Variants in CHST6 observed in about 807,000 individuals in gnomAD.
CHST6 encodes the protein N-acetylglucosamine 6-O-sulfotransferase 5.
For synonymous variants in CHST6, 309 were observed against 276.4 expected, an observed-to-expected ratio of 1.12 and a Z score of -1.17; for missense variants, 698 against 586.2, an observed-to-expected ratio of 1.19 and a Z score of -1.97.
chr16:75,477,959 G>C lies in CHST6; in HGVS notation c.*682C>G, dbSNP rs2151664793. 1 of 154,856 alleles carries C rather than the reference G, an allele frequency of 6.5e-6. No homozygotes were observed. The highest frequency in any genetic ancestry group is 6.4e-5 in the Admixed American group (1 of 15,658). 9.6% of individuals were successfully genotyped at this position (154,856 alleles called of 1,614,324 possible). The stretch of plus-strand genomic sequence containing the variant: ...CCACTTATTGCCTCCTTCCAGGCTT[G>C]TCCAGCATGATAAACTCTGGTCTCA... On this transcript the variant is annotated 3_prime_UTR_variant, in exon 3 of 3. Coordinates refer to ENST00000332272, the MANE Select transcript of CHST6 (RefSeq NM_021615.5).
At chr16:75,479,931 C>G (rs1440993717) in intron 2 of CHST6, 87 bp from the exon 3 acceptor site, 2 of 1,150,788 alleles carry the variant, frequency 1.7e-6, no homozygotes, top group East Asian at 2.6e-5. Flanking sequence ...GGGGCAGATT[C>G]TACCACCAGA....
At chr16:75,489,157 G>C (rs1567414953) in intron 1 of CHST6, among the ~76,000 whole-genome samples, 1 of 151,918 alleles carries the variant, frequency 6.6e-6, no homozygotes, top group Non-Finnish European at 1.5e-5. Context: ...ACAGCACTTT[G>C]GGAGGCCGAG....
chr16:75,493,933 C>T (rs558827988), intron 1 of CHST6, among the ~76,000 whole-genome samples: 47 of 152,332 alleles, frequency 3.1e-4, no homozygotes, highest in Non-Finnish European at 5.1e-4. Flanking sequence ...CAACCTCCGC[C>T]TCCTGGGTTC....
At chr16:75,485,451 T>G (rs1230521370) in intron 1 of CHST6, among the ~76,000 whole-genome samples, 1 of 152,006 alleles carries the variant, frequency 6.6e-6, no homozygotes, top group African/African-American at 2.4e-5. Flanking sequence ...GGCAACAGAG[T>G]GTGACCCTCT....
rs1597467581 is a variant in CHST6 at position 75,474,424 on chromosome 16, G to A, written c.*4217C>T. 7.7e-6 allele frequency: 3 copies of A among 387,690 alleles called. No homozygotes were observed. The highest frequency in any genetic ancestry group is 2.1e-5 in the African/African-American group (1 of 48,354). The allele number at this position is 387,690 out of a possible 1,614,324, so 24.0% of individuals were successfully genotyped here. On this transcript the variant is annotated 3_prime_UTR_variant, in exon 3 of 3. Coordinates refer to ENST00000332272, the MANE Select transcript of CHST6 (RefSeq NM_021615.5). ...CAAGTAGCTAGGACTACAGGTGCAC[G>A]ACACCATGCCCTGCTAATTTTTTTT...
chr16:75,478,407 G>C lies in CHST6; in HGVS notation c.*234C>G. ...CCTGTGCCCAGAGGAGGAGGGGCAA[G>C]AGTTGCTTTCCATGAAGAGTGCACC... On this transcript the variant is annotated 3_prime_UTR_variant, in exon 3 of 3. Transcript: ENST00000332272. 1.7e-6 allele frequency: 1 copy of C among 573,888 alleles called. No homozygotes were observed. Among genetic ancestry groups the C allele is most frequent in the Non-Finnish European group, 3.1e-6 (1 of 321,044 alleles). The allele number at this position is 573,888 out of a possible 1,614,324, so 35.5% of individuals were successfully genotyped here. A position where few individuals can be genotyped will look rare whatever the true frequency, so the allele number is the denominator to read the frequency against.
rs369400025 is a variant in CHST6, at chr16:75,479,137, G to T, written c.692C>A (p.Thr231Lys). 24 of 1,606,306 alleles carry T rather than the reference G, an allele frequency of 1.5e-5. No individual in the cohort carries two copies. The highest frequency in any genetic ancestry group is 2.0e-5 in the Non-Finnish European group (23 of 1,178,820). ...DNGIVLGTNG[T>K]WVEADPGLRV... The stretch of plus-strand genomic sequence containing the variant: ...CAGGCCGGGGTCGGCCTCCACCCAC[G>T]TGCCGTTGGTGCCCAGCACGATGCC... Residue 231 changes from threonine (T) to lysine (K), a missense_variant, in exon 3 of 3, where the codon ACG becomes AAG. By Grantham distance (78) the Thr-to-Lys change is moderately conservative. Transcript: ENST00000332272.
At chr16:75,489,595 C>T (rs1421392744) in intron 1 of CHST6, among the ~76,000 whole-genome samples, 3 of 151,694 alleles carry the variant, frequency 2.0e-5, no homozygotes, top group Admixed American at 6.6e-5. Context: ...CTTAGATGTG[C>T]ATGTATTTTT....
At chr16:75,490,758 C>T (rs972296191) in intron 1 of CHST6, 1 of 152,068 alleles carries the variant, frequency 6.6e-6, no homozygotes, top group African/African-American at 2.4e-5. Context: ...CCTGGGTACA[C>T]ACCCTAGAGA....
At chr16:75,492,333 G>A (rs2080265356) in intron 1 of CHST6, among the ~76,000 whole-genome samples, 1 of 152,190 alleles carries the variant, frequency 6.6e-6, no homozygotes, top group Admixed American at 6.5e-5. Context: ...AAGTCTGAGG[G>A]TTCCCCACTT....
Position 75,479,437 on chromosome 16 carries a change from G to T in CHST6, c.392C>A (p.Ser131Ter). Residue 131 changes from serine to a stop codon, truncating the protein, a stop_gained, in exon 3 of 3, where the codon TCG (serine) becomes TAG (stop). Coordinates refer to ENST00000332272, the MANE Select transcript of CHST6 (RefSeq NM_021615.5). LOFTEE classifies it low-confidence loss of function (END_TRUNC). ...FQWAVSRALC[S>*]PPACSAFPRG... ...GGGAAAGGCACTGCAGGCGGGTGGC[G>T]AGCACAGTGCACGGCTCACGGCCCA... The T allele has an allele frequency of 6.2e-7, 1 of 1,612,880 alleles. No individual in the cohort carries two copies. Among genetic ancestry groups the T allele is most frequent in the Non-Finnish European group, 8.5e-7 (1 of 1,179,840 alleles).
chr16:75,487,266 G>C (rs1206354523), intron 1 of CHST6, among the ~76,000 whole-genome samples: 1 of 152,232 alleles, frequency 6.6e-6, no homozygotes, highest in Non-Finnish European at 1.5e-5. Context: ...GGAAAAGCAA[G>C]ACATTGACCA....
intron 1 of CHST6, among the ~76,000 whole-genome samples, chr16:75,493,656 A>C (rs1237677651): frequency 6.6e-6 from 1 of 152,200 alleles, no homozygotes; most frequent in Non-Finnish European, 1.5e-5. Flanking sequence ...TTTGCTTAGC[A>C]ATCTTCCTTC....
rs375059043 is a variant in CHST6, at chr16:75,479,437, G to A, written c.392C>T (p.Ser131Leu). The A allele has an allele frequency of 9.2e-5, 149 of 1,612,762 alleles. No individual in the cohort carries two copies. The highest frequency in any genetic ancestry group is 1.2e-4 in the Non-Finnish European group (144 of 1,179,848). Residue 131 changes from serine (S) to leucine (L), a missense_variant, in exon 3 of 3, where the codon TCG becomes TTG. Transcript: ENST00000332272. Reference sequence around the variant, plus strand: ...GGGAAAGGCACTGCAGGCGGGTGGCGAGCACAGTGCACGGCTCACGGCCCA... The same window carrying A: ...GGGAAAGGCACTGCAGGCGGGTGGCAAGCACAGTGCACGGCTCACGGCCCA... ...FQWAVSRALC[S>L]PPACSAFPRG...
At chr16:75,491,218 T>TATATAAAA (rs1384245947) in intron 1 of CHST6, among the ~76,000 whole-genome samples, 1 of 97,674 alleles carries the variant, frequency 1.0e-5, no homozygotes, top group East Asian at 5.2e-4. Context: ...TATATATATA[T>TATATAAAA]AAAATATAAT....
chr16:75,478,497 A>T lies in CHST6; in HGVS notation c.*144T>A. On this transcript the variant is annotated 3_prime_UTR_variant, in exon 3 of 3. Coordinates refer to ENST00000332272, the MANE Select transcript of CHST6 (RefSeq NM_021615.5). ...AGAATCAAGAGAGAAAGAAACGTGC[A>T]GTCCTTGCCTACTTGGGGAGGGGGA... 1 of 775,960 alleles carries T rather than the reference A, an allele frequency of 1.3e-6. No individual in the cohort carries two copies. The highest frequency in any genetic ancestry group is 2.7e-5 in the East Asian group (1 of 37,732). The allele number at this position is 775,960 out of a possible 1,614,324, so 48.1% of individuals were successfully genotyped here. A position where few individuals can be genotyped will look rare whatever the true frequency, so the allele number is the denominator to read the frequency against.
In CHST6 at chr16:75,475,004, C is replaced by A. The variant is rs924041560; in HGVS notation, c.*3637G>T. The A allele has an allele frequency of 1.3e-5, 3 of 233,618 alleles. No individual in the cohort carries two copies. Among genetic ancestry groups the A allele is most frequent in the Non-Finnish European group, 2.5e-5 (3 of 121,128 alleles). The allele number at this position is 233,618 out of a possible 1,614,324, so 14.5% of individuals were successfully genotyped here. A position where few individuals can be genotyped will look rare whatever the true frequency, so the allele number is the denominator to read the frequency against. On this transcript the variant is annotated 3_prime_UTR_variant, in exon 3 of 3. Transcript: ENST00000332272. Reference sequence around the variant, plus strand: ...AGAAATGGTGTTTTACCTTGTTGGCCAGGCTGGTCTCAAACTCCTGACCTC... The same window carrying A: ...AGAAATGGTGTTTTACCTTGTTGGCAAGGCTGGTCTCAAACTCCTGACCTC...
Position 75,479,099 on chromosome 16 carries a change from C to A in CHST6, c.730G>T (p.Glu244Ter). The A allele has an allele frequency of 1.9e-6, 3 of 1,604,600 alleles. No homozygotes were observed. The highest frequency in any genetic ancestry group is 8.5e-7 in the Non-Finnish European group (1 of 1,178,690). Residue 244 changes from glutamate to a stop codon, truncating the protein, a stop_gained, in exon 3 of 3, where the codon GAG becomes TAG. Coordinates refer to ENST00000332272, the MANE Select transcript of CHST6 (RefSeq NM_021615.5). LOFTEE classifies it low-confidence loss of function (END_TRUNC). ...ATGCGTACGTGGCTACGGCACACCT[C>A]GCGCACCACGCGCAGGCCGGGGTCG... The part of the protein sequence containing the change: ...EADPGLRVVR[E>*]VCRSHVRIAE...
intron 1 of CHST6, among the ~76,000 whole-genome samples, chr16:75,492,338 C>G (rs918674443): frequency 3.3e-5 from 5 of 152,240 alleles, no homozygotes; most frequent in Non-Finnish European, 5.9e-5. Flanking sequence ...TGAGGGTTCC[C>G]CACTTCTTCT....
Sources: allele counts gnomAD v4.1 joint callset (sites outside exome capture counted in the v4.1 genomes callset), GRCh38; gene constraint gnomAD v4.1.1; transcripts MANE v1.5; gene names NCBI Gene and HGNC (gene_info 2026-07-23, HGNC 2026-07-21).